PDE4D: variants seen among roughly 807,000 people sequenced by gnomAD.
PDE4D encodes the protein phosphodiesterase 4D, also known as 3',5'-cyclic-AMP phosphodiesterase 4D.
A neutral mutation model predicts 87.4 loss-of-function variants in PDE4D; 24 were observed. That is an observed-to-expected ratio of 0.27 (90% CI 0.20 to 0.39). PDE4D has a LOEUF of 0.39. Among genes scored for constraint, PDE4D ranks in the 10% least tolerant of loss-of-function variants. The probability of loss-of-function intolerance (pLI) is 1.00; values close to 1 mark genes in which losing one functional copy is unlikely to be tolerated. For missense variants in PDE4D, 714 were observed against 1,041.0 expected, an observed-to-expected ratio of 0.69 and a Z score of 4.32; for synonymous variants, 384 against 383.2, an observed-to-expected ratio of 1.00 and a Z score of -0.02.
intron 1 of PDE4D, among the ~76,000 whole-genome samples, chr5:59,643,033 T>C (rs177077): frequency 0.77 from 116,698 of 152,050 alleles, 44,977 homozygotes; most frequent in South Asian, 0.91. Context: ...CCCAAAGGAG[T>C]CAGGTTTATG....
intron 2 of PDE4D, among the ~76,000 whole-genome samples, chr5:60,135,169 C>A (rs1779928404): frequency 1.3e-5 from 2 of 152,060 alleles, no homozygotes. Context: ...CAAGAGAGAC[C>A]CTTCGCCCCT....
At chr5:59,718,815 TG>T (rs563830252) in intron 1 of PDE4D, among the ~76,000 whole-genome samples, 41 of 152,286 alleles carry the variant, frequency 2.7e-4, no homozygotes, top group African/African-American at 9.9e-4. Flanking sequence ...CAAGAAAGAT[TG>T]AAAATGTCTT....
At chr5:59,596,948 T>C (rs1209524200) in intron 1 of PDE4D, among the ~76,000 whole-genome samples, 2 of 152,100 alleles carry the variant, frequency 1.3e-5, no homozygotes, top group Non-Finnish European at 2.9e-5. Flanking sequence ...CAGTGGCAAT[T>C]ACAGGGAGAA....
chr5:60,092,947 AC>A (rs1775288812), intron 2 of PDE4D, among the ~76,000 whole-genome samples: 1 of 152,192 alleles, frequency 6.6e-6, no homozygotes, highest in African/African-American at 2.4e-5. Flanking sequence ...ACGAGGGACT[AC>A]CTGATCCAAG....
chr5:59,078,086 G>T (rs1480657709), intron 5 of PDE4D, among the ~76,000 whole-genome samples: 2 of 151,924 alleles, frequency 1.3e-5, no homozygotes, highest in African/African-American at 4.8e-5. Context: ...CCTCCTTGTT[G>T]TTTCTCTCCA....
At chr5:59,400,739 AAAAAAT>A (rs142257693) in intron 1 of PDE4D, among the ~76,000 whole-genome samples, 59,243 of 147,050 alleles carry the variant, frequency 0.4, 11,621 homozygotes, top group East Asian at 0.48. Flanking sequence ...ATAATAATAA[AAAAAAT>A]AAAAAAATAA....
intron 1 of PDE4D, among the ~76,000 whole-genome samples, chr5:59,225,208 CT>C (rs1753489475): frequency 6.6e-6 from 1 of 152,090 alleles, no homozygotes; most frequent in South Asian, 2.1e-4. Flanking sequence ...TAGTTTCATT[CT>C]TTTGCATGTG....
chr5:58,974,997 G>A lies in PDE4D; in HGVS notation c.2097C>T (p.Asp699=), dbSNP rs1743346457. 6.2e-7 allele frequency: 1 copy of A among 1,610,264 alleles called. No homozygotes were observed. Among genetic ancestry groups the A allele is most frequent in the Admixed American group, 1.7e-5 (1 of 59,900 alleles). Residue 699 remains aspartate (D), a synonymous_variant, in exon 15 of 15, where the codon GAC becomes GAT. Coordinates refer to ENST00000340635, the MANE Select transcript of PDE4D (RefSeq NM_001104631.2). ...LVHPDAQDIL[D]TLEDNREWYQ... is the part of the protein sequence containing the mutation. The stretch of plus-strand genomic sequence containing the variant: ...ACCATTCACGATTGTCCTCCAAAGT[G>A]TCCAAAATATCCTGGGCGTCAGGGT...
At chr5:60,012,198 A>G (rs1045054406) in intron 2 of PDE4D, among the ~76,000 whole-genome samples, 7 of 152,228 alleles carry the variant, frequency 4.6e-5, no homozygotes, top group African/African-American at 1.7e-4. Flanking sequence ...TTTAAAAGAA[A>G]TTAATTGAAC....
rs1356573280 is a variant in PDE4D, at chr5:59,762,255, CATATGCGT to C, written c.455+130905_455+130912del. ...ATGCGTATATGTGTATATGGGTACA[CATATGCGT>C]ATATGTGTATATGGGTACACATATG... is the stretch of plus-strand genomic sequence containing the variant. On this transcript the variant is annotated intron_variant, in intron 1 of 14. Coordinates refer to ENST00000340635, the MANE Select transcript of PDE4D (RefSeq NM_001104631.2). 7.9e-5 allele frequency among the ~76,000 whole-genome samples: 9 copies of C among 113,280 alleles called. 1 individual carries two copies. Among genetic ancestry groups the C allele is most frequent in the Non-Finnish European group, 1.2e-4 (6 of 51,994 alleles). 74.3% of individuals were successfully genotyped at this position (113,280 alleles called of 152,430 possible). A position where few individuals can be genotyped will look rare whatever the true frequency, so the allele number is the denominator to read the frequency against.
intron 3 of PDE4D, among the ~76,000 whole-genome samples, chr5:59,957,217 A>AT (rs1038495144): frequency 1.3e-5 from 2 of 151,762 alleles, no homozygotes; most frequent in Admixed American, 1.3e-4. Context: ...AATTATTATT[A>AT]TTTTTTTTGG....
chr5:59,189,258 T>TTG (rs1554092810), intron 3 of PDE4D, among the ~76,000 whole-genome samples: 1,936 of 145,130 alleles, frequency 0.013, 70 homozygotes, highest in African/African-American at 0.045. Context: ...TTTTTGTTTT[T>TTG]TTTTTTTTGA....
chr5:60,182,327 T>C (rs1784433998), intron 2 of PDE4D, among the ~76,000 whole-genome samples: 1 of 152,212 alleles, frequency 6.6e-6, no homozygotes, highest in African/African-American at 2.4e-5. Context: ...TGTTACCAAA[T>C]TGGGAAAACA....
intron 2 of PDE4D, among the ~76,000 whole-genome samples, chr5:60,019,569 T>C (rs913777296): frequency 7.2e-5 from 11 of 152,172 alleles, no homozygotes; most frequent in Admixed American, 5.9e-4. Context: ...TGCTTCACCT[T>C]TTACTTTGAT....
chr5:60,324,792 G>A (rs1163328401), intron 1 of PDE4D, among the ~76,000 whole-genome samples: 6 of 152,186 alleles, frequency 3.9e-5, no homozygotes, highest in Non-Finnish European at 8.8e-5. Flanking sequence ...TAATACCTAC[G>A]CCTCATATGG....
intron 5 of PDE4D, among the ~76,000 whole-genome samples, chr5:59,051,303 G>A (rs752844590): frequency 6.6e-6 from 1 of 152,210 alleles, no homozygotes; most frequent in African/African-American, 2.4e-5. Flanking sequence ...AACCCTGGAG[G>A]TGGAGGAGAT....
intron 3 of PDE4D, among the ~76,000 whole-genome samples, chr5:59,190,914 A>G (rs973793900): frequency 3.3e-5 from 5 of 152,152 alleles, no homozygotes; most frequent in Admixed American, 6.5e-5. Context: ...TGTGAAAACC[A>G]TGATGAAGCC....
intron 2 of PDE4D, among the ~76,000 whole-genome samples, chr5:60,067,516 G>A (rs1772234457): frequency 6.6e-6 from 1 of 151,950 alleles, no homozygotes; most frequent in South Asian, 2.1e-4. Flanking sequence ...GAAAAGAAAG[G>A]AAAATTATAA....
chr5:59,417,942 AC>A (rs1489382941), intron 1 of PDE4D, among the ~76,000 whole-genome samples: 11 of 152,308 alleles, frequency 7.2e-5, no homozygotes, highest in African/African-American at 2.6e-4. Flanking sequence ...AACAACAATA[AC>A]AACAAAACGC....
Sources: gnomAD v4.1 joint callset for allele counts (sites outside exome capture counted in the v4.1 genomes callset) on GRCh38, gnomAD v4.1.1 for gene constraint, MANE v1.5 for transcripts, NCBI Gene and HGNC (gene_info 2026-07-23, HGNC 2026-07-21) for gene names.